Variants in GHR observed in about 807,000 individuals in gnomAD.
The protein encoded by GHR is growth hormone receptor, also known as GH receptor.
A neutral mutation model predicts 67.1 loss-of-function variants in GHR; 35 were observed. That is an observed-to-expected ratio of 0.52 (90% CI 0.40 to 0.69). The LOEUF is 0.69. GHR is among the 30% of genes least tolerant of loss of function. GHR has a pLI of 0.00. For synonymous variants in GHR, 272 were observed against 269.1 expected (o/e 1.01, Z -0.10); for missense variants, 792 against 764.6 (o/e 1.04, Z -0.42).
At chr5:42,662,578 C>T (rs1755706912) in intron 3 of GHR, among the ~76,000 whole-genome samples, 1 of 152,084 alleles carries the variant, frequency 6.6e-6, no homozygotes, top group South Asian at 2.1e-4. Flanking sequence ...ACACAACATA[C>T]CAGAATCTCT....
At chr5:42,638,532 A>AT in intron 3 of GHR, among the ~76,000 whole-genome samples, 1 of 152,298 alleles carries the variant, frequency 6.6e-6, no homozygotes, top group Admixed American at 6.5e-5. Context: ...TAGGCTACAA[A>AT]TCTATACAGC....
intron 1 of GHR, chr5:42,467,668 A>G: frequency 6.2e-7 from 1 of 1,603,724 alleles, no homozygotes; most frequent in Non-Finnish European, 8.5e-7. Flanking sequence ...TCTCTGATGC[A>G]CATCGAGCTT....
chr5:42,576,600 C>T (rs534405246), intron 2 of GHR, among the ~76,000 whole-genome samples: 6 of 152,018 alleles, frequency 3.9e-5, no homozygotes, highest in South Asian at 2.1e-4. Flanking sequence ...CTAAAAGAAG[C>T]GGTTTATTTG....
At chr5:42,574,546 A>G (rs1344199657) in intron 2 of GHR, among the ~76,000 whole-genome samples, 2 of 152,238 alleles carry the variant, frequency 1.3e-5, no homozygotes, top group East Asian at 3.9e-4. Flanking sequence ...TTTGCTTGAC[A>G]AACTGATGTG....
chr5:42,564,633 T>G (rs1749821539), intron 1 of GHR, among the ~76,000 whole-genome samples: 1 of 152,192 alleles, frequency 6.6e-6, no homozygotes, highest in African/African-American at 2.4e-5. Context: ...GTCTAGAAAT[T>G]AAAGTACGTC....
chr5:42,511,732 T>G (rs1469592777), intron 1 of GHR, among the ~76,000 whole-genome samples: 2 of 152,104 alleles, frequency 1.3e-5, no homozygotes, highest in Non-Finnish European at 2.9e-5. Context: ...AGAATGACTT[T>G]TATCAAACCT....
At chr5:42,697,311 AG>A in intron 5 of GHR, among the ~76,000 whole-genome samples, 1 of 152,346 alleles carries the variant, frequency 6.6e-6, no homozygotes, top group East Asian at 1.9e-4. Context: ...CTCTTCTCTC[AG>A]GCCAGTCAAT....
chr5:42,711,100 A>G (rs1040996735), intron 6 of GHR, 107 bp from the exon 7 acceptor site: 5 of 830,752 alleles, frequency 6.0e-6, no homozygotes, highest in Non-Finnish European at 1.1e-5. Context: ...AATATTACCT[A>G]CTTTATAAAA....
chr5:42,626,614 A>T (rs1561179053), intron 2 of GHR, among the ~76,000 whole-genome samples: 2 of 152,024 alleles, frequency 1.3e-5, no homozygotes, highest in Non-Finnish European at 2.9e-5. Flanking sequence ...CTCAACCTCT[A>T]ATCAACTCTT....
chr5:42,628,451 T>C (rs746958647), intron 2 of GHR, among the ~76,000 whole-genome samples: 3 of 131,786 alleles, frequency 2.3e-5, no homozygotes, highest in African/African-American at 6.4e-5. Flanking sequence ...TGGTTCTGTA[T>C]GTTTCAGGGA....
intron 3 of GHR, among the ~76,000 whole-genome samples, chr5:42,672,903 A>G (rs1310607716): frequency 1.3e-5 from 2 of 152,164 alleles, no homozygotes; most frequent in African/African-American, 4.8e-5. Flanking sequence ...AATTTCAACA[A>G]AAACAAAAAC....
At chr5:42,513,201 A>T (rs951938312) in intron 1 of GHR, among the ~76,000 whole-genome samples, 1 of 152,224 alleles carries the variant, frequency 6.6e-6, no homozygotes, top group African/African-American at 2.4e-5. Flanking sequence ...ACACAAAGAA[A>T]TCTACCTCTT....
intron 1 of GHR, among the ~76,000 whole-genome samples, chr5:42,437,875 A>G (rs1743399635): frequency 6.6e-6 from 1 of 151,952 alleles, no homozygotes; most frequent in African/African-American, 2.4e-5. Flanking sequence ...TCTGAAAAAA[A>G]AAAAAAAGCA....
intron 1 of GHR, among the ~76,000 whole-genome samples, chr5:42,455,585 T>G (rs1408156472): frequency 1.3e-5 from 2 of 152,228 alleles, no homozygotes; most frequent in African/African-American, 2.4e-5. Flanking sequence ...TATGAAAAGC[T>G]TATAAAGTGA....
chr5:42,484,642 C>T (rs774923741), intron 1 of GHR, among the ~76,000 whole-genome samples: 2 of 152,256 alleles, frequency 1.3e-5, no homozygotes, highest in South Asian at 2.1e-4. Context: ...TTTCTGCTCA[C>T]TCAGGTCCAC....
At chr5:42,437,989 C>T (rs1007053349) in intron 1 of GHR, among the ~76,000 whole-genome samples, 5 of 151,934 alleles carry the variant, frequency 3.3e-5, no homozygotes, top group South Asian at 2.1e-4. Flanking sequence ...AAAAAAAAAT[C>T]GCATTAGCTT....
At chr5:42,667,459 A>G (rs1195335764) in intron 3 of GHR, among the ~76,000 whole-genome samples, 2 of 152,180 alleles carry the variant, frequency 1.3e-5, no homozygotes, top group African/African-American at 4.8e-5. Context: ...ATAGAAGCTC[A>G]TTGTTCTAAT....
intron 3 of GHR, among the ~76,000 whole-genome samples, chr5:42,641,172 G>A (rs1230812679): frequency 1.2e-5 from 1 of 83,136 alleles, no homozygotes; most frequent in Non-Finnish European, 2.2e-5. Context: ...AAAAGATGAG[G>A]CTGTACACAG....
At chr5:42,579,200 A>G (rs1432192347) in intron 2 of GHR, among the ~76,000 whole-genome samples, 1 of 151,472 alleles carries the variant, frequency 6.6e-6, no homozygotes, top group African/African-American at 2.4e-5. Context: ...AGATAGATAG[A>G]CAGATAGATA....
Sources: allele counts gnomAD v4.1 joint callset (sites outside exome capture counted in the v4.1 genomes callset), GRCh38; gene constraint gnomAD v4.1.1; transcripts MANE v1.5; gene names NCBI Gene and HGNC (gene_info 2026-07-23, HGNC 2026-07-21).